The following RIMS1 variants were observed in gnomAD, a reference collection of about 807,000 sequenced individuals.
RIMS1 encodes the protein regulating synaptic membrane exocytosis protein 1.
RIMS1 carries 83 observed loss-of-function variants against 214.1 expected under a neutral mutation model. That is an observed-to-expected ratio of 0.39 (90% confidence interval 0.32 to 0.47). The LOEUF is 0.47. RIMS1 is among the 20% of genes least tolerant of loss of function. RIMS1 has a pLI of 0.99. For synonymous variants in RIMS1, 793 were observed against 786.8 expected, an observed-to-expected ratio of 1.01 and a Z score of -0.13; for missense variants, 2,050 against 2,161.8, an observed-to-expected ratio of 0.95 and a Z score of 1.03.
At chr6:72,286,197 C>CAAAAAA (rs149079911) in intron 24 of RIMS1, among the ~76,000 whole-genome samples, 2 of 110,572 alleles carry the variant, frequency 1.8e-5, no homozygotes, top group East Asian at 5.3e-4. Context: ...AACTCCATCT[C>CAAAAAA]AAAAAAAAAA....
chr6:72,110,108 T>C (rs988034423), intron 4 of RIMS1, among the ~76,000 whole-genome samples: 2 of 152,200 alleles, frequency 1.3e-5, no homozygotes, highest in African/African-American at 2.4e-5. Flanking sequence ...ACTGTAGCCT[T>C]GTAGTATAGT....
chr6:72,034,396 A>T (rs1213677303), intron 2 of RIMS1, among the ~76,000 whole-genome samples: 3 of 152,120 alleles, frequency 2.0e-5, no homozygotes, highest in Non-Finnish European at 2.9e-5. Flanking sequence ...TTTTGTAAGG[A>T]TGATTCACAA....
At chr6:72,248,153 G>A in intron 12 of RIMS1, 26 bp downstream of exon 12, 3 of 1,461,482 alleles carry the variant, frequency 2.1e-6, no homozygotes, top group Non-Finnish European at 1.9e-6. Flanking sequence ...ACATGTTGGA[G>A]GCTGTTAGTA....
At position 72,307,124 on chromosome 6, in the gene RIMS1, T is replaced by C. The variant is rs116174113; in HGVS notation, c.3851-134T>C. 1.6e-3 allele frequency: 1,007 copies of C among 623,438 alleles called. 7 individuals are homozygous for C. In the African/African-American group the frequency reaches 0.017, roughly 11 times the overall value. 38.6% of individuals were successfully genotyped at this position (623,438 alleles called of 1,614,324 possible). ...GTACTGTATATTCTGCATTTTTGTT[T>C]AATTTATTAATCATGTGTTATTTCT... On this transcript the variant is annotated intron_variant, in intron 26 of 33. Transcript: ENST00000521978.
At chr6:71,946,244 T>C (rs187367271) in intron 1 of RIMS1, among the ~76,000 whole-genome samples, 43 of 152,300 alleles carry the variant, frequency 2.8e-4, no homozygotes, top group Non-Finnish European at 1.5e-5. Flanking sequence ...CCTATCAAAA[T>C]TCCAATGACA....
At chr6:72,044,662 C>T (rs1019724375) in intron 2 of RIMS1, among the ~76,000 whole-genome samples, 2 of 151,802 alleles carry the variant, frequency 1.3e-5, no homozygotes, top group African/African-American at 4.8e-5. Flanking sequence ...GCAGCATACC[C>T]TTCATACCCA....
At position 72,390,745 on chromosome 6, in the gene RIMS1, T is replaced by C. The variant is rs1384539795; in HGVS notation, c.4505+9T>C. The C allele has an allele frequency of 6.2e-7, 1 of 1,613,480 alleles. No individual in the cohort carries two copies. The highest frequency in any genetic ancestry group is 8.5e-7 in the Non-Finnish European group (1 of 1,179,520). ...TACAGCTCTGAGGGCAAGTAAGTGC[T>C]GTCAGCACGTCTGCATGGCTGTGGA... On this transcript the variant is annotated intron_variant, in intron 30 of 33. Coordinates refer to ENST00000521978, the MANE Select transcript of RIMS1 (RefSeq NM_014989.7).
At chr6:71,911,896 C>T (rs546202655) in intron 1 of RIMS1, among the ~76,000 whole-genome samples, 1 of 152,090 alleles carries the variant, frequency 6.6e-6, no homozygotes, top group East Asian at 1.9e-4. Context: ...AATTTGACCT[C>T]CCTTTACCTT....
chr6:71,926,368 C>T (rs1231339353), intron 1 of RIMS1, among the ~76,000 whole-genome samples: 1 of 152,136 alleles, frequency 6.6e-6, no homozygotes, highest in Non-Finnish European at 1.5e-5. Context: ...TATTTTTCTC[C>T]TCTAGAAAAC....
intron 29 of RIMS1, among the ~76,000 whole-genome samples, chr6:72,353,763 A>G (rs17690537): frequency 0.19 from 28,818 of 152,192 alleles, 3,453 homozygotes; most frequent in South Asian, 0.27. Context: ...AATAACAGGC[A>G]TGTACATTTA....
intron 4 of RIMS1, among the ~76,000 whole-genome samples, chr6:72,146,777 A>G (rs2042818107): frequency 6.6e-6 from 1 of 152,246 alleles, no homozygotes; most frequent in Non-Finnish European, 1.5e-5. Flanking sequence ...ATCTTTTACT[A>G]AAAACACATT....
In RIMS1 at chr6:72,182,419, C is replaced by A. The variant is rs755535927; in HGVS notation, c.948C>A (p.Ser316Arg). 2 of 1,613,776 alleles carry A rather than the reference C, an allele frequency of 1.2e-6. No individual in the cohort carries two copies. Among genetic ancestry groups the A allele is most frequent in the African/African-American group, 2.7e-5 (2 of 74,928 alleles). ...GGGAGCGCAAAGAAAGGCGGGAAAGCCGAAGGCTTGAGAAAGGGCGATCAC... is the reference window on the plus strand; with the variant it reads ...GGGAGCGCAAAGAAAGGCGGGAAAGACGAAGGCTTGAGAAAGGGCGATCAC... Reference protein sequence around the residue: ...EERERKERRESRRLEKGRSQD... With the variant: ...EERERKERRERRRLEKGRSQD... The change falls in exon 6 of 34, where the codon AGC becomes AGA. Residue 316 changes from serine (S) to arginine (R), a missense_variant. Ser to Arg is a moderately radical substitution (Grantham distance 110). This residue lies in a region of RIMS1 where 882 missense variants were observed against 828.9 expected (regional missense o/e 1.06). Transcript: ENST00000521978.
chr6:72,011,465 T>C (rs1184016584), intron 2 of RIMS1, among the ~76,000 whole-genome samples: 2 of 152,106 alleles, frequency 1.3e-5, no homozygotes, highest in African/African-American at 4.8e-5. Context: ...CAACAAAAGT[T>C]AAAATTGACA....
chr6:72,331,860 A>G (rs150584919), intron 28 of RIMS1, among the ~76,000 whole-genome samples: 1 of 151,986 alleles, frequency 6.6e-6, no homozygotes, highest in African/African-American at 2.4e-5. Flanking sequence ...CAGAATTTTG[A>G]TGTGGACAAG....
chr6:72,061,287 A>G (rs1827788668), intron 2 of RIMS1, among the ~76,000 whole-genome samples: 1 of 152,242 alleles, frequency 6.6e-6, no homozygotes, highest in African/African-American at 2.4e-5. Context: ...ATTCAAAATT[A>G]TAATGTGGTA....
chr6:72,217,791 A>AAACT (rs1323579233), intron 6 of RIMS1, among the ~76,000 whole-genome samples: 2 of 152,148 alleles, frequency 1.3e-5, no homozygotes, highest in Non-Finnish European at 2.9e-5. Context: ...ACTAAAGGGG[A>AAACT]AACTGTTCAG....
At chr6:72,030,249 G>A (rs530294604) in intron 2 of RIMS1, among the ~76,000 whole-genome samples, 22 of 152,266 alleles carry the variant, frequency 1.4e-4, no homozygotes, top group African/African-American at 5.1e-4. Context: ...CAGGTAATGT[G>A]ATGCTGTGGG....
intron 25 of RIMS1, among the ~76,000 whole-genome samples, chr6:72,291,583 G>T (rs1397584685): frequency 1.3e-5 from 2 of 152,132 alleles, no homozygotes; most frequent in Non-Finnish European, 2.9e-5. Flanking sequence ...TATCCATATT[G>T]TTAAGATCCA....
intron 2 of RIMS1, among the ~76,000 whole-genome samples, chr6:71,986,033 C>A (rs1279379058): frequency 6.6e-6 from 1 of 152,094 alleles, no homozygotes; most frequent in East Asian, 1.9e-4. Flanking sequence ...AAAATACCAA[C>A]CCTCATGAAA....
Sources: gnomAD v4.1 joint callset for allele counts (sites outside exome capture counted in the v4.1 genomes callset) on GRCh38, gnomAD v4.1.1 for gene constraint, gnomAD v4.1.1 regional missense constraint, MANE v1.5 for transcripts, NCBI Gene and HGNC (gene_info 2026-07-23, HGNC 2026-07-21) for gene names.